Variants in ULK4 observed in about 807,000 individuals in gnomAD.
ULK4 encodes the protein inactive serine/threonine-protein kinase ULK4.
A neutral mutation model predicts 160.6 loss-of-function variants in ULK4; 133 were observed. That is an observed-to-expected ratio of 0.83 (90% CI 0.72 to 0.96). ULK4 has a LOEUF of 0.96. Among genes scored for constraint, ULK4 ranks in the 40% least tolerant of loss-of-function variants. The pLI, the probability that ULK4 is intolerant of heterozygous loss-of-function variation, is 0.00. For synonymous variants in ULK4, 534 were observed against 539.8 expected (o/e 0.99, Z 0.15); for missense variants, 1,580 against 1,499.5 (o/e 1.05, Z -0.89).
chr3:41,750,270 C>T (rs2038572559), intron 22 of ULK4, among the ~76,000 whole-genome samples: 1 of 152,206 alleles, frequency 6.6e-6, no homozygotes, highest in African/African-American at 2.4e-5. Context: ...CTGCTTTAGC[C>T]ATCTTTCCCT....
At chr3:41,320,434 C>T (rs969687154) in intron 35 of ULK4, among the ~76,000 whole-genome samples, 14 of 152,194 alleles carry the variant, frequency 9.2e-5, no homozygotes, top group Middle Eastern at 3.4e-3. Flanking sequence ...AGTTGCATCC[C>T]GGAGAGCCTA....
chr3:41,394,163 C>T (rs2125810472), intron 35 of ULK4, among the ~76,000 whole-genome samples: 1 of 152,192 alleles, frequency 6.6e-6, no homozygotes, highest in South Asian at 2.1e-4. Context: ...ACAAGACCGA[C>T]CACATTACTA....
chr3:41,655,649 G>T (rs1430810035), intron 30 of ULK4, among the ~76,000 whole-genome samples: 10 of 152,176 alleles, frequency 6.6e-5, no homozygotes, highest in Non-Finnish European at 1.5e-4. Context: ...CAAGGCTGCA[G>T]TAAGTGGTGA....
At position 41,360,637 on chromosome 3, in the gene ULK4, C is replaced by T. The variant is rs998593369; in HGVS notation, c.3678+37442G>A. On this transcript the variant is annotated intron_variant, in intron 35 of 36. Transcript: ENST00000301831. ...GCAGGGACATGGTTGGAGCTGGAAGCCATTACCCTCAGCAAACTAACACAG... is the reference window on the plus strand; with the variant it reads ...GCAGGGACATGGTTGGAGCTGGAAGTCATTACCCTCAGCAAACTAACACAG... Among the ~76,000 whole-genome samples the T allele has an allele frequency of 2.6e-5, 4 of 152,244 alleles. No individual in the cohort carries two copies. The South Asian group carries it at 6.2e-4, about 24-fold the overall frequency.
rs995528498 is a variant in ULK4 at position 41,733,794 on chromosome 3, G to A, written c.2322-15933C>T. Among the ~76,000 whole-genome samples, 123 of 141,194 alleles carry A rather than the reference G, an allele frequency of 8.7e-4. 1 individual carries two copies. Among genetic ancestry groups the A allele is most frequent in the African/African-American group, 2.9e-3 (103 of 35,046 alleles). The allele number at this position is 141,194 out of a possible 152,430, so 92.6% of individuals were successfully genotyped here. A position where few individuals can be genotyped will look rare whatever the true frequency, so the allele number is the denominator to read the frequency against. ...CTGTCTCCCAGGCTGGAGTGCAGTG[G>A]CGCAATCTCACCTCACTGTAACCTC... On this transcript the variant is annotated intron_variant, in intron 22 of 36. Transcript: ENST00000301831.
intron 34 of ULK4, among the ~76,000 whole-genome samples, chr3:41,453,304 T>G (rs1026243984): frequency 6.6e-6 from 1 of 152,128 alleles, no homozygotes; most frequent in Non-Finnish European, 1.5e-5. Flanking sequence ...GCCTCCCAAG[T>G]AGCTAGAACT....
At chr3:41,813,030 A>G (rs1255807471) in intron 19 of ULK4, among the ~76,000 whole-genome samples, 2 of 152,180 alleles carry the variant, frequency 1.3e-5, no homozygotes, top group African/African-American at 4.8e-5. Flanking sequence ...TTTTTAGCTT[A>G]CATAATAGTC....
At chr3:41,490,001 T>C (rs1028315134) in intron 32 of ULK4, among the ~76,000 whole-genome samples, 3 of 152,196 alleles carry the variant, frequency 2.0e-5, no homozygotes, top group Non-Finnish European at 4.4e-5. Context: ...TTTCTGTCCC[T>C]ATGATTTGAA....
At chr3:41,620,283 C>G (rs1296706673) in intron 30 of ULK4, among the ~76,000 whole-genome samples, 2 of 152,076 alleles carry the variant, frequency 1.3e-5, no homozygotes. Flanking sequence ...ATCCTGATAC[C>G]AAAACCTGGC....
chr3:41,451,048 A>G (rs1203075355), intron 34 of ULK4, among the ~76,000 whole-genome samples: 1 of 152,114 alleles, frequency 6.6e-6, no homozygotes, highest in Non-Finnish European at 1.5e-5. Context: ...TGCCCTGAAC[A>G]CTGGGTGGCA....
intron 17 of ULK4, among the ~76,000 whole-genome samples, chr3:41,837,929 T>G (rs2041807713): frequency 6.6e-6 from 1 of 152,208 alleles, no homozygotes; most frequent in African/African-American, 2.4e-5. Context: ...CTCTCACCAC[T>G]CACTGCCTTA....
intron 17 of ULK4, among the ~76,000 whole-genome samples, chr3:41,846,295 T>C (rs901784669): frequency 6.6e-6 from 1 of 152,098 alleles, no homozygotes; most frequent in African/African-American, 2.4e-5. Flanking sequence ...AGAACAAATA[T>C]AACACATAAA....
chr3:41,706,840 A>ATATATAT (rs1261207514), intron 25 of ULK4, among the ~76,000 whole-genome samples: 2 of 130,776 alleles, frequency 1.5e-5, no homozygotes, highest in African/African-American at 7.5e-5. Context: ...AAAAAAAAAA[A>ATATATAT]AAAAAAATAT....
At chr3:41,617,232 G>T (rs1185629425) in intron 30 of ULK4, among the ~76,000 whole-genome samples, 2 of 152,222 alleles carry the variant, frequency 1.3e-5, no homozygotes, top group Non-Finnish European at 2.9e-5. Flanking sequence ...TGATGCTCTT[G>T]ACAAGACGGA....
chr3:41,454,817 C>T (rs1211952481), intron 34 of ULK4, among the ~76,000 whole-genome samples: 7 of 151,784 alleles, frequency 4.6e-5, no homozygotes, highest in Non-Finnish European at 8.8e-5. Context: ...CTCAGCCTCC[C>T]GAGTAGCTGG....
At chr3:41,514,394 G>C (rs2085685499) in intron 32 of ULK4, among the ~76,000 whole-genome samples, 1 of 152,136 alleles carries the variant, frequency 6.6e-6, no homozygotes, top group Non-Finnish European at 1.5e-5. Context: ...CAAAGGAATA[G>C]GGTCATGTTT....
intron 19 of ULK4, among the ~76,000 whole-genome samples, chr3:41,810,679 T>G (rs1014052923): frequency 6.6e-6 from 1 of 152,058 alleles, no homozygotes; most frequent in Non-Finnish European, 1.5e-5. Context: ...AAAAATAAAG[T>G]TGTGGTTATA....
At chr3:41,900,127 T>C (rs1404029486) in intron 13 of ULK4, among the ~76,000 whole-genome samples, 3 of 152,326 alleles carry the variant, frequency 2.0e-5, no homozygotes, top group Middle Eastern at 3.4e-3. Context: ...CATTATCCCC[T>C]AGCAATAAAG....
intron 12 of ULK4, among the ~76,000 whole-genome samples, chr3:41,901,872 T>A (rs1023029729): frequency 2.0e-5 from 3 of 152,122 alleles, no homozygotes; most frequent in Non-Finnish European, 4.4e-5. Context: ...ATAAAAAAAA[T>A]TTTCAGACTT....
Sources: gnomAD v4.1 joint callset for allele counts (sites outside exome capture counted in the v4.1 genomes callset) on GRCh38, gnomAD v4.1.1 for gene constraint, MANE v1.5 for transcripts, NCBI Gene and HGNC (gene_info 2026-07-23, HGNC 2026-07-21) for gene names.